The following TELO2 variants were observed in gnomAD, a reference collection of about 807,000 sequenced individuals.
The protein encoded by TELO2 is telomere length regulation protein TEL2 homolog.
Under a neutral mutation model 91.0 loss-of-function variants are expected in TELO2, and 71 were observed. The ratio of observed to expected loss-of-function variants is 0.78; its 90% confidence interval spans 0.64 to 0.95. TELO2 has a LOEUF of 0.95. TELO2 is among the 40% of genes least tolerant of loss of function. The pLI is 0.00. For synonymous variants in TELO2, 584 were observed against 518.9 expected, an observed-to-expected ratio of 1.13 and a Z score of -1.71; for missense variants, 1,183 against 1,141.3, an observed-to-expected ratio of 1.04 and a Z score of -0.53.
Position 1,495,669 on chromosome 16 carries a change from G to C in TELO2, c.613+46G>C, listed in dbSNP as rs746609176. On this transcript the variant is annotated intron_variant, in intron 3 of 20. Transcript: ENST00000262319. The stretch of plus-strand genomic sequence containing the variant: ...CCCCCTTTGCCACCCGTCTTCTTGG[G>C]TCCTCGTCCCCTGCCACCCTCTGGT... The C allele has an allele frequency of 2.6e-6, 4 of 1,536,782 alleles. No homozygotes were observed. In the South Asian group the frequency reaches 4.9e-5, roughly 19 times the overall value.
Position 1,501,706 on chromosome 16 carries a change from C to A in TELO2, c.1405C>A (p.Pro469Thr). Residue 469 changes from proline to threonine, a missense_variant, in exon 11 of 21, where the codon CCC becomes ACC. Transcript: ENST00000262319. ...CACGGCAGAGCCCCCTGCAGAGACC[C>A]CCGCAGAGATCGTGGATGGCGGCGT... is the stretch of plus-strand genomic sequence containing the variant. ...PATAEPPAETPAEIVDGGVPQ... is the reference protein window; with the variant it reads ...PATAEPPAETTAEIVDGGVPQ... 1 of 1,613,014 alleles carries A rather than the reference C, an allele frequency of 6.2e-7. No homozygotes were observed. The highest frequency in any genetic ancestry group is 1.1e-5 in the South Asian group (1 of 91,054).
rs141246642 is a variant in TELO2, at chr16:1,497,002, C to G, written c.614-34C>G. On this transcript the variant is annotated intron_variant, in intron 3 of 20. Transcript: ENST00000262319. The surrounding 1 kb of genome is among the most constrained non-coding windows in gnomAD (Gnocchi z 4.0). ...TAGATGTTCTTTTGTGCCTTCCCGC[C>G]GGCTTCCTCATCAGGCCTCCCTTTC... 8.7e-6 allele frequency: 14 copies of G among 1,609,176 alleles called. No individual in the cohort carries two copies. Among genetic ancestry groups the G allele is most frequent in the Middle Eastern group, 1.6e-4 (1 of 6,076 alleles).
intron 5 of TELO2, among the ~76,000 whole-genome samples, chr16:1,498,666 C>G (rs2039575301): frequency 6.6e-6 from 1 of 152,164 alleles, no homozygotes; most frequent in African/African-American, 2.4e-5. Flanking sequence ...AACTCCTGGC[C>G]TTAAGTGATC....
rs2039848603 is a variant in TELO2 at position 1,505,300 on chromosome 16, C to G, written c.1843-110C>G. 7.6e-7 allele frequency: 1 copy of G among 1,314,098 alleles called. No homozygotes were observed. Among genetic ancestry groups the G allele is most frequent in the Non-Finnish European group, 1.0e-6 (1 of 966,932 alleles). 81.4% of individuals were successfully genotyped at this position (1,314,098 alleles called of 1,614,324 possible). A position where few individuals can be genotyped will look rare whatever the true frequency, so the allele number is the denominator to read the frequency against. ...CCTTGTTCCCAGAACACACCTTCTCCCAGGCTGGGCGGGCCCCCGGGCCCG... is the reference window on the plus strand; with the variant it reads ...CCTTGTTCCCAGAACACACCTTCTCGCAGGCTGGGCGGGCCCCCGGGCCCG... On this transcript the variant is annotated intron_variant, in intron 15 of 20. Transcript: ENST00000262319. This position sits in a 1 kb window ranked among gnomAD's most constrained non-coding sequence, Gnocchi z 4.3.
Position 1,507,623 on chromosome 16 carries a change from T to G in TELO2, c.2314T>G (p.Ser772Ala). Reference sequence around the variant, plus strand: ...CAGCTACGTGCGCCAGGGGCTGTTGTCGGCCGTCTCCTCCGTCCTGCTCAG... The same window carrying G: ...CAGCTACGTGCGCCAGGGGCTGTTGGCGGCCGTCTCCTCCGTCCTGCTCAG... ...IDAYVRQGLL[S>A]AVSSVLLSLP... is the part of the protein sequence containing the mutation. The change falls in exon 20 of 21, where the codon TCG (serine) becomes GCG (alanine). Residue 772 changes from serine (S) to alanine (A), a missense_variant. By Grantham distance (99) the Ser-to-Ala change is moderately conservative. Coordinates refer to ENST00000262319, the MANE Select transcript of TELO2 (RefSeq NM_016111.4). 6.3e-7 allele frequency: 1 copy of G among 1,595,310 alleles called. No homozygotes were observed. The highest frequency in any genetic ancestry group is 8.5e-7 in the Non-Finnish European group (1 of 1,178,040).
At position 1,499,380 on chromosome 16, in the gene TELO2, C is replaced by G. The variant is rs377524934; in HGVS notation, c.933+47C>G. The G allele has an allele frequency of 1.9e-5, 31 of 1,591,740 alleles. No homozygotes were observed. In the African/African-American group the frequency reaches 3.5e-4, roughly 18 times the overall value. ...CAGGCTGCTGGCTGCCCCATCACAG[C>G]AAGAATGGCTGCAAAACATGGGGTC... is the stretch of plus-strand genomic sequence containing the variant. On this transcript the variant is annotated intron_variant, in intron 6 of 20. Coordinates refer to ENST00000262319, the MANE Select transcript of TELO2 (RefSeq NM_016111.4).
chr16:1,505,279 G>A lies in TELO2; in HGVS notation c.1843-131G>A. 2.7e-6 allele frequency: 3 copies of A among 1,116,074 alleles called. No homozygotes were observed. The highest frequency in any genetic ancestry group is 3.3e-5 in the South Asian group (2 of 61,430). 69.1% of individuals were successfully genotyped at this position (1,116,074 alleles called of 1,614,324 possible). A position where few individuals can be genotyped will look rare whatever the true frequency, so the allele number is the denominator to read the frequency against. ...CTACGGGGAAGTGACTTTTCTCCTTGTTCCCAGAACACACCTTCTCCCAGG... is the reference window on the plus strand; with the variant it reads ...CTACGGGGAAGTGACTTTTCTCCTTATTCCCAGAACACACCTTCTCCCAGG... On this transcript the variant is annotated intron_variant, in intron 15 of 20. Coordinates refer to ENST00000262319, the MANE Select transcript of TELO2 (RefSeq NM_016111.4). This position sits in a 1 kb window ranked among gnomAD's most constrained non-coding sequence, Gnocchi z 4.3.
Position 1,497,588 on chromosome 16 carries a change from TCTC to T in TELO2, c.830+83_830+85del, listed in dbSNP as rs772267070. ...GAGGCTGCCATTCCTTCACGCTACT[TCTC>T]CTGGGCGCCGTGCTGCAGCTGGCAC... On this transcript the variant is annotated intron_variant, in intron 5 of 20. Transcript: ENST00000262319. The surrounding 1 kb of genome is among the most constrained non-coding windows in gnomAD (Gnocchi z 4.0). 5.5e-6 allele frequency: 8 copies of T among 1,465,000 alleles called. No homozygotes were observed. The East Asian group carries it at 1.3e-4, about 23-fold the overall frequency. The allele number at this position is 1,465,000 out of a possible 1,614,324, so 90.8% of individuals were successfully genotyped here.
At position 1,502,373 on chromosome 16, in the gene TELO2, T is replaced by C; in HGVS notation, c.1622T>C (p.Leu541Pro). 1 of 1,604,478 alleles carries C rather than the reference T, an allele frequency of 6.2e-7. No homozygotes were observed. The highest frequency in any genetic ancestry group is 8.5e-7 in the Non-Finnish European group (1 of 1,177,336). ...WEAALRALEGLVYRSPTATRE... is the reference protein window; with the variant it reads ...WEAALRALEGPVYRSPTATRE... ...GCAGCCCTGCGGGCCCTTGAGGGCC[T>C]GGTCTACAGGAGCCCCACAGCCACT... Residue 541 changes from leucine (L) to proline (P), a missense_variant, in exon 13 of 21, where the codon CTG becomes CCG. Coordinates refer to ENST00000262319, the MANE Select transcript of TELO2 (RefSeq NM_016111.4).
At chr16:1,507,224 C>T in intron 18 of TELO2, 82 bp from the exon 19 acceptor site, 3 of 1,551,502 alleles carry the variant, frequency 1.9e-6, no homozygotes, top group Non-Finnish European at 2.6e-6. Flanking sequence ...CTGCTGCTGC[C>T]CAGCAGCGGA....
At chr16:1,499,562 A>T (rs1356840524) in intron 6 of TELO2, among the ~76,000 whole-genome samples, 2 of 138,704 alleles carry the variant, frequency 1.4e-5, no homozygotes, top group Non-Finnish European at 3.1e-5. Flanking sequence ...GACTCCCGAG[A>T]AGCCACCCGC....
At position 1,500,437 on chromosome 16, in the gene TELO2, C is replaced by T. The variant is rs2039636767; in HGVS notation, c.1093C>T (p.Leu365Phe). The change falls in exon 8 of 21, where the codon CTC (leucine) becomes TTC (phenylalanine). Residue 365 changes from leucine to phenylalanine, a missense_variant. Leu to Phe is a conservative substitution (Grantham distance 22). Coordinates refer to ENST00000262319, the MANE Select transcript of TELO2 (RefSeq NM_016111.4). ...PQQRHVSKAV[L>F]ICLAQLGEPE... ...GCAGCGCCACGTCAGCAAGGCTGTC[C>T]TCATCTGCCTGGCGCAACTCGGGGA... The T allele has an allele frequency of 1.2e-6, 2 of 1,609,326 alleles. No individual in the cohort carries two copies. Among genetic ancestry groups the T allele is most frequent in the East Asian group, 2.2e-5 (1 of 44,684 alleles).
Position 1,501,078 on chromosome 16 carries a change from G to T in TELO2, c.1282-342G>T, listed in dbSNP as rs574688792. ...CAGCCTCTCTGCTGCCGGCTGCCTG[G>T]CCATGGAGGAGCCCTGTCTGCCTTC... On this transcript the variant is annotated intron_variant, in intron 9 of 20. Transcript: ENST00000262319. 1.1e-4 allele frequency among the ~76,000 whole-genome samples: 17 copies of T among 152,360 alleles called. No homozygotes were observed. The East Asian group carries it at 3.3e-3, about 29-fold the overall frequency.
rs2039840128 is a variant in TELO2 at position 1,505,069 on chromosome 16, G to A, written c.1843-341G>A. The A allele has an allele frequency of 1.6e-5, 4 of 247,172 alleles. No homozygotes were observed. The highest frequency in any genetic ancestry group is 9.8e-5 in the Admixed American group (2 of 20,416). The allele number at this position is 247,172 out of a possible 1,614,324, so 15.3% of individuals were successfully genotyped here. ...TCTGAGGTCCCCCCGCCCGTGGCAC[G>A]TGCCGCTGCAGCGTTGCTTTTGCTG... is the stretch of plus-strand genomic sequence containing the variant. On this transcript the variant is annotated intron_variant, in intron 15 of 20. Coordinates refer to ENST00000262319, the MANE Select transcript of TELO2 (RefSeq NM_016111.4). This position sits in a 1 kb window ranked among gnomAD's most constrained non-coding sequence, Gnocchi z 4.3.
At position 1,497,149 on chromosome 16, in the gene TELO2, C is replaced by T. The variant is rs1163222596; in HGVS notation, c.682+45C>T. 1.2e-6 allele frequency: 2 copies of T among 1,608,130 alleles called. No individual in the cohort carries two copies. The highest frequency in any genetic ancestry group is 2.7e-5 in the African/African-American group (2 of 74,916). ...CCTGCCCATCCTGCCCCGACCCTCA[C>T]AGCCCATCAGCCTTCTGCAGAAGGC... On this transcript the variant is annotated intron_variant, in intron 4 of 20. Transcript: ENST00000262319. This position sits in a 1 kb window ranked among gnomAD's most constrained non-coding sequence, Gnocchi z 4.0.
chr16:1,501,532 G>A (rs757993012), intron 10 of TELO2, 33 bp downstream of exon 10: 9 of 1,589,330 alleles, frequency 5.7e-6, no homozygotes, highest in East Asian at 2.2e-5. Context: ...ACCCCACCGC[G>A]TGCACATCTT....
chr16:1,494,764 G>C lies in TELO2; in HGVS notation c.335+148G>C. ...GCTGAACCCCTGAACAGAAGAAGCG[G>C]TCTGTGTCTGTCTCCTTTGCGACGG... On this transcript the variant is annotated intron_variant, in intron 2 of 20. Coordinates refer to ENST00000262319, the MANE Select transcript of TELO2 (RefSeq NM_016111.4). This position sits in a 1 kb window ranked among gnomAD's most constrained non-coding sequence, Gnocchi z 5.6. The C allele has an allele frequency of 1.1e-6, 1 of 889,506 alleles. No individual in the cohort carries two copies. The highest frequency in any genetic ancestry group is 2.7e-5 in the East Asian group (1 of 37,526). 55.1% of individuals were successfully genotyped at this position (889,506 alleles called of 1,614,324 possible).
Position 1,510,090 on chromosome 16 carries a change from T to A in TELO2, c.*154T>A. 1.6e-6 allele frequency: 1 copy of A among 642,922 alleles called. No homozygotes were observed. Among genetic ancestry groups the A allele is most frequent in the African/African-American group, 1.8e-5 (1 of 54,712 alleles). The allele number at this position is 642,922 out of a possible 1,614,324, so 39.8% of individuals were successfully genotyped here. A position where few individuals can be genotyped will look rare whatever the true frequency, so the allele number is the denominator to read the frequency against. Reference sequence around the variant, plus strand: ...GATGCAGGAAGGCCCGGCCTGCCGCTATTTATAGTGCAGCCAGTCCGCTAA... The same window carrying A: ...GATGCAGGAAGGCCCGGCCTGCCGCAATTTATAGTGCAGCCAGTCCGCTAA... On this transcript the variant is annotated 3_prime_UTR_variant, in exon 21 of 21. Transcript: ENST00000262319.
rs1371514963 is a variant in TELO2 at position 1,494,326 on chromosome 16, C to T, written c.45C>T (p.Ala15=). The T allele has an allele frequency of 2.6e-5, 42 of 1,613,564 alleles. No individual in the cohort carries two copies. Among genetic ancestry groups the T allele is most frequent in the Non-Finnish European group, 3.6e-5 (42 of 1,180,008 alleles). ...PSEVRLAVRE[A]IHALSSSEDG... Reference sequence around the variant, plus strand: ...AGGTTCGACTCGCCGTCCGGGAAGCCATTCATGCCCTCTCGTCTTCGGAGG... The same window carrying T: ...AGGTTCGACTCGCCGTCCGGGAAGCTATTCATGCCCTCTCGTCTTCGGAGG... Residue 15 remains alanine (A), a synonymous_variant, in exon 2 of 21, where the codon GCC becomes GCT. Transcript: ENST00000262319. The surrounding 1 kb of genome is among the most constrained non-coding windows in gnomAD (Gnocchi z 5.6).
Sources: gnomAD v4.1 joint callset for allele counts (sites outside exome capture counted in the v4.1 genomes callset) on GRCh38, gnomAD v4.1.1 for gene constraint, Gnocchi (gnomAD v3.1) non-coding constraint, MANE v1.5 for transcripts, NCBI Gene and HGNC (gene_info 2026-07-23, HGNC 2026-07-21) for gene names.